ZXDC: variants seen among roughly 807,000 people sequenced by gnomAD.
The protein encoded by ZXDC is ZXD family zinc finger C, also known as zinc finger protein ZXDC.
ZXDC carries 58 observed loss-of-function variants against 63.6 expected under a neutral mutation model. The ratio of observed to expected loss-of-function variants is 0.91; its 90% CI spans 0.74 to 1.13. The LOEUF is 1.13. ZXDC is among the 50% of genes most tolerant of loss of function. The pLI is 0.00. For missense variants in ZXDC, 1,133 were observed against 1,148.9 expected (o/e 0.99, Z 0.20); for synonymous variants, 561 against 496.1 (o/e 1.13, Z -1.74).
intron 4 of ZXDC, among the ~76,000 whole-genome samples, chr3:126,469,837 A>C (rs1037738983): frequency 6.6e-6 from 1 of 152,254 alleles, no homozygotes; most frequent in African/African-American, 2.4e-5. Context: ...CTCTGACGGA[A>C]GGAGGAACTG....
chr3:126,462,547 A>T (rs1189476374), intron 5 of ZXDC, among the ~76,000 whole-genome samples: 2 of 152,198 alleles, frequency 1.3e-5, no homozygotes, highest in African/African-American at 4.8e-5. Flanking sequence ...CCAACTGGTA[A>T]CAGCAAGAAG....
At chr3:126,470,859 T>C in intron 4 of ZXDC, 36 bp downstream of exon 4, 5 of 1,607,740 alleles carry the variant, frequency 3.1e-6, no homozygotes, top group Non-Finnish European at 4.3e-6. Context: ...GGCATTGCAC[T>C]TAGTTTACTG....
rs745971697 is a variant in ZXDC, at chr3:126,475,119, G to A, written c.747C>T (p.Phe249=). The A allele has an allele frequency of 5.0e-6, 8 of 1,610,640 alleles. No individual in the cohort carries two copies. Among genetic ancestry groups the A allele is most frequent in the Non-Finnish European group, 6.8e-6 (8 of 1,178,472 alleles). Residue 249 remains phenylalanine, a synonymous_variant, in exon 1 of 10, where the codon TTC becomes TTT. Coordinates refer to ENST00000389709, the MANE Select transcript of ZXDC (RefSeq NM_025112.5). ...GCPVGGCGKK[F]TTVYNLKAHM... The stretch of plus-strand genomic sequence containing the variant: ...GCGCCTTGAGGTTATAGACCGTAGT[G>A]AACTTCTTGCCACAGCCGCCCACTG...
At chr3:126,453,485 T>C (rs1253365356) in intron 7 of ZXDC, 4 of 985,346 alleles carry the variant, frequency 4.1e-6, no homozygotes, top group Non-Finnish European at 4.8e-6. Flanking sequence ...TCCCTTGTGT[T>C]CCATATACAG....
rs537183523 is a variant in ZXDC, at chr3:126,443,559, G to C, written c.2213-1613C>G. On this transcript the variant is annotated intron_variant, in intron 7 of 9. Transcript: ENST00000389709. ...GTGAGAACATGCTGTTGGAAAAATG[G>C]TGCCAACAGACTTGCTGGATACAGG... 2.0e-5 allele frequency: 3 copies of C among 152,234 alleles called. No individual in the cohort carries two copies. The South Asian group carries it at 6.2e-4, about 32-fold the overall frequency. 9.4% of individuals were successfully genotyped at this position (152,234 alleles called of 1,614,324 possible).
chr3:126,457,117 G>T, intron 7 of ZXDC: 1 of 320,440 alleles, frequency 3.1e-6, no homozygotes, highest in Non-Finnish European at 4.5e-6. Flanking sequence ...ACAATTAAAT[G>T]CACATGGAAC....
rs368301123 is a variant in ZXDC at position 126,466,269 on chromosome 3, C to A, written c.1327G>T (p.Val443Leu). ...CTTTTCGGAGCACCCACATCCTGCA[C>A]GTGTTTCTTAGAGTGAATGTACAGA... ...SSLYIHSKKH[V>L]QDVGAPKSRC... The change falls in exon 5 of 10, where the codon GTG becomes TTG. Residue 443 changes from valine to leucine, a missense_variant. Coordinates refer to ENST00000389709, the MANE Select transcript of ZXDC (RefSeq NM_025112.5). The A allele has an allele frequency of 4.3e-6, 7 of 1,614,184 alleles. No individual in the cohort carries two copies. The South Asian group carries it at 7.7e-5, about 18-fold the overall frequency.
At position 126,439,673 on chromosome 3, in the gene ZXDC, G is replaced by A. The variant is rs1361272892; in HGVS notation, c.2449C>T (p.Leu817Phe). ...GGCAGGTCCACAGTGAGGAAGGGGA[G>A]GAAGGTGGCTGGGCCGCGGGCCGAG... ...LPSARGPATF[L>F]PFLTVDLPVY... Residue 817 changes from leucine to phenylalanine, a missense_variant, in exon 9 of 10, where the codon CTC becomes TTC. Physicochemically the swap from Leu to Phe is conservative, Grantham distance 22. Transcript: ENST00000389709. The A allele has an allele frequency of 6.4e-7, 1 of 1,553,854 alleles. No homozygotes were observed. Among genetic ancestry groups the A allele is most frequent in the Non-Finnish European group, 8.7e-7 (1 of 1,147,948 alleles).
intron 6 of ZXDC, chr3:126,460,135 G>T: frequency 1.0e-6 from 1 of 985,406 alleles, no homozygotes; most frequent in Non-Finnish European, 1.2e-6. Flanking sequence ...TGGCAGGCCC[G>T]GGGCAGGTCC....
At chr3:126,462,525 C>A (rs1030374674) in intron 5 of ZXDC, among the ~76,000 whole-genome samples, 27 of 152,144 alleles carry the variant, frequency 1.8e-4, no homozygotes, top group African/African-American at 6.5e-4. Context: ...AATAACATTT[C>A]CTAAGGTCAG....
chr3:126,462,148 T>C lies in ZXDC; in HGVS notation c.1514A>G (p.Glu505Gly). 1.2e-6 allele frequency: 2 copies of C among 1,612,864 alleles called. No individual in the cohort carries two copies. Among genetic ancestry groups the C allele is most frequent in the Non-Finnish European group, 8.5e-7 (1 of 1,179,994 alleles). Residue 505 changes from glutamate to glycine, a missense_variant, in exon 6 of 10, where the codon GAG becomes GGG. Transcript: ENST00000389709. ...TGCAGCAAGATCCATGTTAGTGAGC[T>C]CACTTTGGCCTGGGCTGCTGAGTTC... ...SSELSSPGQSELTNMDLAALF... is the reference protein window; with the variant it reads ...SSELSSPGQSGLTNMDLAALF...
At chr3:126,453,028 G>C (rs934748678) in intron 7 of ZXDC, 8 of 985,372 alleles carry the variant, frequency 8.1e-6, no homozygotes, top group Non-Finnish European at 9.6e-6. Flanking sequence ...CTCTTTCTGA[G>C]AGATACCCTT....
At chr3:126,461,435 C>T (rs1576679877) in intron 6 of ZXDC, 100 bp downstream of exon 6, 2 of 1,458,958 alleles carry the variant, frequency 1.4e-6, no homozygotes, top group East Asian at 2.4e-5. Context: ...CTTTTGTAAA[C>T]CAGAAACGTC....
chr3:126,472,530 C>T (rs1935019860), intron 1 of ZXDC, among the ~76,000 whole-genome samples: 1 of 152,222 alleles, frequency 6.6e-6, no homozygotes, highest in East Asian at 1.9e-4. Flanking sequence ...CCTGTTGCAA[C>T]ATGACTTGGA....
At position 126,461,728 on chromosome 3, in the gene ZXDC, G is replaced by A. The variant is rs539742816; in HGVS notation, c.1934C>T (p.Thr645Ile). 1.6e-5 allele frequency: 26 copies of A among 1,613,902 alleles called. No homozygotes were observed. In the East Asian group the frequency reaches 3.3e-4, roughly 21 times the overall value. Residue 645 changes from threonine (T) to isoleucine (I), a missense_variant, in exon 6 of 10, where the codon ACC becomes ATC. Thr to Ile is a moderately conservative substitution (Grantham distance 89). Coordinates refer to ENST00000389709, the MANE Select transcript of ZXDC (RefSeq NM_025112.5). ...CGGGACACTGGCATTTTCTCGGGGGGTGCTCGAAGAGGTCGGTGTGGTGAT... is the reference window on the plus strand; with the variant it reads ...CGGGACACTGGCATTTTCTCGGGGGATGCTCGAAGAGGTCGGTGTGGTGAT... ...AHITTPTSSSTPRENASVPEL... is the reference protein window; with the variant it reads ...AHITTPTSSSIPRENASVPEL...
Position 126,475,482 on chromosome 3 carries a change from G to T in ZXDC, c.384C>A (p.Ala128=). The stretch of plus-strand genomic sequence containing the variant: ...GCAGGTCCTGGCTGCTGATGGTGAC[G>T]GCGCCCGCCGGGGCTACGCCAGGGC... ...PPGPGVAPAG[A]VTISSQDLLV... is the part of the protein sequence containing the mutation. The change falls in exon 1 of 10, where the codon GCC becomes GCA. Residue 128 remains alanine, a synonymous_variant. Transcript: ENST00000389709. 8.2e-7 allele frequency: 1 copy of T among 1,214,622 alleles called. No individual in the cohort carries two copies. Among genetic ancestry groups the T allele is most frequent in the African/African-American group, 1.6e-5 (1 of 62,776 alleles). The allele number at this position is 1,214,622 out of a possible 1,614,324, so 75.2% of individuals were successfully genotyped here. A position where few individuals can be genotyped will look rare whatever the true frequency, so the allele number is the denominator to read the frequency against.
chr3:126,454,917 C>T, intron 7 of ZXDC: 1 of 985,430 alleles, frequency 1.0e-6, no homozygotes, highest in Non-Finnish European at 1.2e-6. Flanking sequence ...CTACACTCAA[C>T]AGCAACACAA....
intron 8 of ZXDC, chr3:126,441,553 G>A: frequency 1.6e-5 from 21 of 1,325,984 alleles, no homozygotes; most frequent in Non-Finnish European, 1.9e-5. Flanking sequence ...AACACTCAGA[G>A]CTTGAGCAGA....
Position 126,441,767 on chromosome 3 carries a change from G to A in ZXDC, c.2392C>T (p.Gln798Ter). 1 of 1,591,812 alleles carries A rather than the reference G, an allele frequency of 6.3e-7. No homozygotes were observed. Among genetic ancestry groups the A allele is most frequent in the South Asian group, 1.1e-5 (1 of 87,960 alleles). Residue 798 changes from glutamine to a stop codon, truncating the protein, a stop_gained and splice_region_variant, in exon 8 of 10, where the codon CAG becomes TAG. Coordinates refer to ENST00000389709, the MANE Select transcript of ZXDC (RefSeq NM_025112.5). LOFTEE classifies it high-confidence loss of function. ...CTGTGTGACTGGCCAGCTCTCACCT[G>A]CACCAGCTGGACCTGGACGCCCTGC... ...GAQGVQVQLV[Q>*]DDPSGEGVLP...
Sources: gnomAD v4.1 joint callset for allele counts (sites outside exome capture counted in the v4.1 genomes callset) on GRCh38, gnomAD v4.1.1 for gene constraint, MANE v1.5 for transcripts, NCBI Gene and HGNC (gene_info 2026-07-23, HGNC 2026-07-21) for gene names.